The following DCPS variants were observed in gnomAD, a reference collection of about 807,000 sequenced individuals.
DCPS encodes the protein m7GpppX diphosphatase.
In DCPS, 27 loss-of-function variants were observed where a neutral mutation model predicts 34.7. The observed-to-expected ratio is 0.78, with a 90% CI of 0.57 to 1.07. The LOEUF is 1.07. Among genes scored for constraint, DCPS ranks in the 50% least tolerant of loss-of-function variants. DCPS has a pLI of 0.00. For missense variants in DCPS, 464 were observed against 436.9 expected (o/e 1.06, Z -0.55); for synonymous variants, 185 against 185.7 (o/e 1.00, Z 0.03).
chr11:126,337,817 C>T lies in DCPS; in HGVS notation c.523-469C>T, dbSNP rs1216607239. On this transcript the variant is annotated intron_variant, in intron 3 of 5. Transcript: ENST00000263579. This position sits in a 1 kb window ranked among gnomAD's most constrained non-coding sequence, Gnocchi z 5.3. ...CTCACTGCTCTGGTGGGTAGCTGGCCCCTCCACAGAAGGAAACCGTGGTGC... is the reference window on the plus strand; with the variant it reads ...CTCACTGCTCTGGTGGGTAGCTGGCTCCTCCACAGAAGGAAACCGTGGTGC... The T allele has an allele frequency of 6.3e-6, 1 of 159,376 alleles. No individual in the cohort carries two copies. Among genetic ancestry groups the T allele is most frequent in the Non-Finnish European group, 1.4e-5 (1 of 72,002 alleles). 9.9% of individuals were successfully genotyped at this position (159,376 alleles called of 1,614,324 possible).
intron 2 of DCPS, among the ~76,000 whole-genome samples, chr11:126,321,950 AAAGAT>A (rs2135319523): frequency 6.6e-6 from 1 of 152,320 alleles, no homozygotes; most frequent in East Asian, 1.9e-4. Context: ...AAGATGGAGA[AAAGAT>A]AAGAAAGTCA....
intron 1 of DCPS, 23 bp downstream of exon 1, chr11:126,304,304 T>TG (rs1565369487): frequency 5.6e-6 from 9 of 1,611,376 alleles, no homozygotes; most frequent in South Asian, 1.1e-5. Context: ...AACCCTGAGG[T>TG]GGGATGCGGG....
intron 2 of DCPS, among the ~76,000 whole-genome samples, chr11:126,307,324 C>T (rs868113466): frequency 6.8e-6 from 1 of 146,914 alleles, no homozygotes; most frequent in Non-Finnish European, 1.5e-5. Context: ...TGGAACAAAA[C>T]CCTATCTCAA....
At position 126,315,325 on chromosome 11, in the gene DCPS, C is replaced by T. The variant is rs1207089735; in HGVS notation, c.376+8581C>T. 4.6e-5 allele frequency among the ~76,000 whole-genome samples: 7 copies of T among 151,942 alleles called. No homozygotes were observed. The highest frequency in any genetic ancestry group is 1.2e-4 in the African/African-American group (5 of 41,292). On this transcript the variant is annotated intron_variant, in intron 2 of 5. Transcript: ENST00000263579. The surrounding 1 kb of genome is among the most constrained non-coding windows in gnomAD (Gnocchi z 6.1). ...CTGTAATTCCAGCACTTTGGGAGGC[C>T]GAGGCAGGTGGATCATTTGAGGTCA...
Position 126,327,233 on chromosome 11 carries a change from T to C in DCPS, c.377-4172T>C, listed in dbSNP as rs747531029. 2.0e-5 allele frequency among the ~76,000 whole-genome samples: 3 copies of C among 152,186 alleles called. No individual in the cohort carries two copies. The highest frequency in any genetic ancestry group is 2.9e-5 in the Non-Finnish European group (2 of 68,030). ...GCAATTCCTCAGCCTTCTTTGTCCT[T>C]CCTAACTTTGACATTTTTGTAGTGT... On this transcript the variant is annotated intron_variant, in intron 2 of 5. Coordinates refer to ENST00000263579, the MANE Select transcript of DCPS (RefSeq NM_014026.6). This position sits in a 1 kb window ranked among gnomAD's most constrained non-coding sequence, Gnocchi z 4.1.
At position 126,338,405 on chromosome 11, in the gene DCPS, G is replaced by A. The variant is rs774172241; in HGVS notation, c.636+6G>A. 4 of 1,613,776 alleles carry A rather than the reference G, an allele frequency of 2.5e-6. No homozygotes were observed. Among genetic ancestry groups the A allele is most frequent in the Admixed American group, 3.3e-5 (2 of 60,004 alleles). Reference sequence around the variant, plus strand: ...TCAAGTGGAACCAACAGCAGGTAAAGGTTTCTGGCTGGAATGTCCTGATCT... The same window carrying A: ...TCAAGTGGAACCAACAGCAGGTAAAAGTTTCTGGCTGGAATGTCCTGATCT... On this transcript the variant is annotated splice_donor_region_variant and intron_variant, in intron 4 of 5. Coordinates refer to ENST00000263579, the MANE Select transcript of DCPS (RefSeq NM_014026.6). This position sits in a 1 kb window ranked among gnomAD's most constrained non-coding sequence, Gnocchi z 5.4.
At chr11:126,311,901 A>G (rs548638385) in intron 2 of DCPS, among the ~76,000 whole-genome samples, 2 of 152,204 alleles carry the variant, frequency 1.3e-5, no homozygotes, top group Non-Finnish European at 2.9e-5. Context: ...ATAGACATGA[A>G]TAGAAATGAA....
At position 126,349,100 on chromosome 11, in the gene DCPS, A is replaced by T. The variant is rs1333602941; in HGVS notation, c.*3487A>T. Among the ~76,000 whole-genome samples the T allele has an allele frequency of 6.6e-6, 1 of 152,144 alleles. No individual in the cohort carries two copies. The highest frequency in any genetic ancestry group is 1.5e-5 in the Non-Finnish European group (1 of 68,030). On this transcript the variant is annotated 3_prime_UTR_variant, in exon 6 of 6. Transcript: ENST00000263579. The surrounding 1 kb of genome is among the most constrained non-coding windows in gnomAD (Gnocchi z 5.4). The stretch of plus-strand genomic sequence containing the variant: ...CTCACGCAGGGGATGGAGAGTAAGG[A>T]CCAGCCCCTCTACCTCATGCTTTCT...
rs999833345 is a variant in DCPS, at chr11:126,323,345, T to C, written c.377-8060T>C. 5.9e-5 allele frequency among the ~76,000 whole-genome samples: 9 copies of C among 152,224 alleles called. No individual in the cohort carries two copies. The highest frequency in any genetic ancestry group is 1.0e-4 in the Non-Finnish European group (7 of 68,038). Reference sequence around the variant, plus strand: ...TTCAAAATACAATTATTGTTTTACCTTGAGCGGTAGAAAGTTCAGCTTTAG... The same window carrying C: ...TTCAAAATACAATTATTGTTTTACCCTGAGCGGTAGAAAGTTCAGCTTTAG... On this transcript the variant is annotated intron_variant, in intron 2 of 5. Coordinates refer to ENST00000263579, the MANE Select transcript of DCPS (RefSeq NM_014026.6). The surrounding 1 kb of genome is among the most constrained non-coding windows in gnomAD (Gnocchi z 4.4).
At chr11:126,316,576 G>A (rs1591383156) in intron 2 of DCPS, among the ~76,000 whole-genome samples, 3 of 152,046 alleles carry the variant, frequency 2.0e-5, no homozygotes, top group East Asian at 1.9e-4. Context: ...TGCAACTTCT[G>A]TGAGTTAGAT....
chr11:126,338,419 A>G lies in DCPS; in HGVS notation c.636+20A>G. 2 of 1,609,276 alleles carry G rather than the reference A, an allele frequency of 1.2e-6. No individual in the cohort carries two copies. The highest frequency in any genetic ancestry group is 1.7e-6 in the Non-Finnish European group (2 of 1,175,530). On this transcript the variant is annotated intron_variant, in intron 4 of 5. Coordinates refer to ENST00000263579, the MANE Select transcript of DCPS (RefSeq NM_014026.6). The surrounding 1 kb of genome is among the most constrained non-coding windows in gnomAD (Gnocchi z 5.4). ...CAGCAGGTAAAGGTTTCTGGCTGGA[A>G]TGTCCTGATCTCTGGCCACCCTGCT...
chr11:126,313,468 G>A lies in DCPS; in HGVS notation c.376+6724G>A, dbSNP rs188758251. Reference sequence around the variant, plus strand: ...TAACAGTAGAGTAGGTAGATAAACCGAGGTATAGTCCTACAGTGCCTAGCT... The same window carrying A: ...TAACAGTAGAGTAGGTAGATAAACCAAGGTATAGTCCTACAGTGCCTAGCT... On this transcript the variant is annotated intron_variant, in intron 2 of 5. Transcript: ENST00000263579. This position sits in a 1 kb window ranked among gnomAD's most constrained non-coding sequence, Gnocchi z 4.9. 1.1e-4 allele frequency among the ~76,000 whole-genome samples: 16 copies of A among 152,272 alleles called. No individual in the cohort carries two copies. Among genetic ancestry groups the A allele is most frequent in the Admixed American group, 1.3e-4 (2 of 15,286 alleles).
intron 1 of DCPS, 67 bp downstream of exon 1, chr11:126,304,348 T>C (rs1264003880): frequency 1.0e-6 from 1 of 999,970 alleles, no homozygotes; most frequent in Non-Finnish European, 1.4e-6. Context: ...CGGAGGCAGA[T>C]TTTTTTTTTT....
In DCPS at chr11:126,325,903, A is replaced by C. The variant is rs554344962; in HGVS notation, c.377-5502A>C. 6.6e-6 allele frequency among the ~76,000 whole-genome samples: 1 copy of C among 152,176 alleles called. No individual in the cohort carries two copies. The highest frequency in any genetic ancestry group is 1.9e-4 in the East Asian group (1 of 5,170). ...GGGAGGCTGAGGTGGGCGGATTACG[A>C]GATCAGGAAATCGAGGCCATCCTGG... is the stretch of plus-strand genomic sequence containing the variant. On this transcript the variant is annotated intron_variant, in intron 2 of 5. Transcript: ENST00000263579. The surrounding 1 kb of genome is among the most constrained non-coding windows in gnomAD (Gnocchi z 4.3).
chr11:126,322,517 A>G lies in DCPS; in HGVS notation c.377-8888A>G, dbSNP rs1042468534. 6.6e-6 allele frequency among the ~76,000 whole-genome samples: 1 copy of G among 150,734 alleles called. No homozygotes were observed. The highest frequency in any genetic ancestry group is 1.5e-5 in the Non-Finnish European group (1 of 67,820). ...GACCTCAGGTGATCTGCCTGCCTGA[A>G]CCTCCGAAAGGGCTGGGATTACAGG... On this transcript the variant is annotated intron_variant, in intron 2 of 5. Transcript: ENST00000263579. This position sits in a 1 kb window ranked among gnomAD's most constrained non-coding sequence, Gnocchi z 4.2.
intron 2 of DCPS, among the ~76,000 whole-genome samples, chr11:126,318,142 C>T (rs1951677409): frequency 6.6e-6 from 1 of 152,196 alleles, no homozygotes; most frequent in Non-Finnish European, 1.5e-5. Context: ...CAGAGTCTTG[C>T]TAAAGTCAGC....
intron 1 of DCPS, among the ~76,000 whole-genome samples, chr11:126,305,782 T>G (rs1012760253): frequency 6.6e-6 from 1 of 152,174 alleles, no homozygotes; most frequent in Non-Finnish European, 1.5e-5. Flanking sequence ...TTCTGTTTTT[T>G]TGTATGCGAT....
Position 126,345,442 on chromosome 11 carries a change from C to T in DCPS, c.843C>T (p.Thr281=), listed in dbSNP as rs749010991. The T allele has an allele frequency of 2.7e-5, 43 of 1,614,076 alleles. No individual in the cohort carries two copies. The East Asian group carries it at 2.7e-4, about 10-fold the overall frequency. Residue 281 remains threonine, a synonymous_variant, in exon 6 of 6, where the codon ACC becomes ACT. Coordinates refer to ENST00000263579, the MANE Select transcript of DCPS (RefSeq NM_014026.6). This position sits in a 1 kb window ranked among gnomAD's most constrained non-coding sequence, Gnocchi z 7.4. ...PSYYHLHVHF[T]ALGFEAPGSG... ...ACTACCACCTGCATGTGCACTTCAC[C>T]GCCCTGGGCTTCGAGGCCCCCGGCT...
At chr11:126,339,908 C>G (rs763249701) in intron 4 of DCPS, among the ~76,000 whole-genome samples, 2 of 152,164 alleles carry the variant, frequency 1.3e-5, no homozygotes, top group African/African-American at 2.4e-5. Flanking sequence ...CGGGGCCCAC[C>G]GTTAATGAGA....
Sources: gnomAD v4.1 joint callset for allele counts (sites outside exome capture counted in the v4.1 genomes callset) on GRCh38, gnomAD v4.1.1 for gene constraint, Gnocchi (gnomAD v3.1) non-coding constraint, MANE v1.5 for transcripts, NCBI Gene and HGNC (gene_info 2026-07-23, HGNC 2026-07-21) for gene names.